The following CDH8 variants were observed in gnomAD, a reference collection of about 807,000 sequenced individuals.
The protein encoded by CDH8 is cadherin-8.
In CDH8, 17 loss-of-function variants were observed where a neutral mutation model predicts 68.1. The observed-to-expected ratio is 0.25, with a 90% CI of 0.17 to 0.37. The LOEUF (loss-of-function observed/expected upper bound fraction) is 0.37, where lower values mean the gene tolerates loss of function less well. Ranked by LOEUF, CDH8 falls within the 10% of genes least tolerant of loss-of-function variation. The probability of loss-of-function intolerance (pLI) is 1.00; values close to 1 mark genes in which losing one functional copy is unlikely to be tolerated. For synonymous variants in CDH8, 372 were observed against 365.1 expected (o/e 1.02, Z -0.21); for missense variants, 763 against 999.3 (o/e 0.76, Z 3.19).
intron 2 of CDH8, among the ~76,000 whole-genome samples, chr16:61,903,983 C>T (rs1964024330): frequency 6.6e-6 from 1 of 151,892 alleles, no homozygotes; most frequent in Non-Finnish European, 1.5e-5. Flanking sequence ...TATATACGTC[C>T]TCTTTCTTTC....
chr16:61,669,062 T>G (rs959318625), intron 10 of CDH8, among the ~76,000 whole-genome samples: 1 of 152,060 alleles, frequency 6.6e-6, no homozygotes, highest in South Asian at 2.1e-4. Flanking sequence ...GTGTGTTTTC[T>G]AAATAACTTG....
At chr16:61,738,682 AT>A (rs1355421273) in intron 8 of CDH8, among the ~76,000 whole-genome samples, 2 of 152,072 alleles carry the variant, frequency 1.3e-5, no homozygotes, top group African/African-American at 4.8e-5. Context: ...TATGTTTTCT[AT>A]TTTTCTCTTA....
At chr16:61,792,123 TA>T (rs1961392266) in intron 7 of CDH8, among the ~76,000 whole-genome samples, 1 of 151,928 alleles carries the variant, frequency 6.6e-6, no homozygotes, top group African/African-American at 2.4e-5. Context: ...CAGAAAACTT[TA>T]AAAAAATGTG....
intron 10 of CDH8, among the ~76,000 whole-genome samples, chr16:61,694,520 A>T (rs1964290144): frequency 6.6e-6 from 1 of 151,882 alleles, no homozygotes. Context: ...TAGGAGTAAT[A>T]GGGTTTGGTT....
chr16:61,716,008 T>C (rs1372605279), intron 9 of CDH8, among the ~76,000 whole-genome samples: 1 of 151,650 alleles, frequency 6.6e-6, no homozygotes, highest in African/African-American at 2.4e-5. Context: ...CAGCTCCTTC[T>C]CCATTTACCC....
intron 10 of CDH8, among the ~76,000 whole-genome samples, chr16:61,686,634 A>T (rs1422982129): frequency 6.6e-6 from 1 of 152,038 alleles, no homozygotes; most frequent in Non-Finnish European, 1.5e-5. Flanking sequence ...AGAAAGATCA[A>T]ATCATTAATG....
At chr16:61,905,938 T>A (rs1964053636) in intron 2 of CDH8, among the ~76,000 whole-genome samples, 2 of 150,696 alleles carry the variant, frequency 1.3e-5, no homozygotes, top group Admixed American at 6.6e-5. Context: ...GATCTCAACA[T>A]TGGAGAAAAT....
intron 8 of CDH8, among the ~76,000 whole-genome samples, chr16:61,751,901 GT>G (rs1268972527): frequency 6.6e-6 from 1 of 152,010 alleles, no homozygotes; most frequent in African/African-American, 2.4e-5. Context: ...AAATAATATT[GT>G]TAATAATTTA....
At chr16:61,723,066 G>T (rs1959241536) in intron 9 of CDH8, among the ~76,000 whole-genome samples, 1 of 150,766 alleles carries the variant, frequency 6.6e-6, no homozygotes, top group Non-Finnish European at 1.5e-5. Context: ...AAAACACCTT[G>T]CTTCATGCCT....
At chr16:61,962,298 A>C (rs1162134402) in intron 2 of CDH8, among the ~76,000 whole-genome samples, 1 of 152,192 alleles carries the variant, frequency 6.6e-6, no homozygotes, top group African/African-American at 2.4e-5. Context: ...TCTCCATGCA[A>C]GTGAGCATAG....
chr16:61,868,989 T>C (rs979093171), intron 3 of CDH8, among the ~76,000 whole-genome samples: 1 of 152,168 alleles, frequency 6.6e-6, no homozygotes, highest in African/African-American at 2.4e-5. Flanking sequence ...GAACTGATTA[T>C]GTTTTCAGCC....
intron 2 of CDH8, among the ~76,000 whole-genome samples, chr16:62,005,734 TAAAA>T (rs10552670): frequency 1.5e-4 from 17 of 114,016 alleles, no homozygotes; most frequent in Admixed American, 9.3e-5. Flanking sequence ...GACTTCGTCT[TAAAA>T]AAAAAAAAAA....
At chr16:61,749,917 T>G (rs1001086152) in intron 8 of CDH8, among the ~76,000 whole-genome samples, 1 of 152,188 alleles carries the variant, frequency 6.6e-6, no homozygotes, top group South Asian at 2.1e-4. Flanking sequence ...AATTTCAAAT[T>G]TTATTTTAGA....
intron 2 of CDH8, among the ~76,000 whole-genome samples, chr16:61,936,614 T>C (rs1964630775): frequency 6.6e-6 from 1 of 152,166 alleles, no homozygotes; most frequent in African/African-American, 2.4e-5. Flanking sequence ...AGGATCATCA[T>C]CCTTCTGATA....
intron 8 of CDH8, among the ~76,000 whole-genome samples, chr16:61,751,754 A>T (rs1596932112): frequency 6.6e-6 from 1 of 152,130 alleles, no homozygotes; most frequent in East Asian, 1.9e-4. Flanking sequence ...TGAAAACTGA[A>T]TGGTAATTAT....
At chr16:62,033,304 AAAGTT>A (rs2150624729) in intron 1 of CDH8, among the ~76,000 whole-genome samples, 1 of 152,192 alleles carries the variant, frequency 6.6e-6, no homozygotes, top group Admixed American at 6.5e-5. Context: ...ATACCCAAAT[AAAGTT>A]GTTTTCCAGT....
At chr16:61,663,173 G>C (rs554391824) in intron 10 of CDH8, among the ~76,000 whole-genome samples, 6 of 152,118 alleles carry the variant, frequency 3.9e-5, no homozygotes, top group South Asian at 4.1e-4. Flanking sequence ...GTAAAGAAGA[G>C]ACCAAATGAA....
intron 4 of CDH8, among the ~76,000 whole-genome samples, chr16:61,837,508 C>T (rs1962592761): frequency 6.6e-6 from 1 of 151,998 alleles, no homozygotes; most frequent in African/African-American, 2.4e-5. Context: ...CAAACAACTA[C>T]TGCATATCAA....
At chr16:61,980,404 T>C (rs1323515931) in intron 2 of CDH8, among the ~76,000 whole-genome samples, 1 of 152,156 alleles carries the variant, frequency 6.6e-6, no homozygotes, top group African/African-American at 2.4e-5. Flanking sequence ...ACTTTAATTC[T>C]AATCACCTCA....
Sources: gnomAD v4.1 joint callset for allele counts (sites outside exome capture counted in the v4.1 genomes callset) on GRCh38, gnomAD v4.1.1 for gene constraint, MANE v1.5 for transcripts, NCBI Gene and HGNC (gene_info 2026-07-23, HGNC 2026-07-21) for gene names.